Variants in RREB1 observed in about 807,000 individuals in gnomAD.
RREB1 encodes the protein ras-responsive element-binding protein 1.
A neutral mutation model predicts 117.8 loss-of-function variants in RREB1; 27 were observed. The observed-to-expected ratio is 0.23, with a 90% CI of 0.17 to 0.32. RREB1 has a LOEUF of 0.32. RREB1 is among the 10% of genes least tolerant of loss of function. RREB1 has a pLI of 1.00. For missense variants in RREB1, 2,577 were observed against 2,378.2 expected, an observed-to-expected ratio of 1.08 and a Z score of -1.74; for synonymous variants, 1,298 against 1,026.7, an observed-to-expected ratio of 1.26 and a Z score of -5.05.
At chr6:7,190,397 C>T (rs1015358181) in intron 6 of RREB1, among the ~76,000 whole-genome samples, 3 of 152,162 alleles carry the variant, frequency 2.0e-5, no homozygotes, top group Non-Finnish European at 4.4e-5. Context: ...GTTTAGCACA[C>T]AGTTCCTGGC....
chr6:7,127,119 GC>G (rs1005306780), intron 1 of RREB1, among the ~76,000 whole-genome samples: 55 of 152,222 alleles, frequency 3.6e-4, no homozygotes, highest in Admixed American at 2.7e-3. Context: ...AGAGGATAGG[GC>G]TTAGGCGTGT....
In RREB1 at chr6:7,189,385, G is replaced by A. The variant is rs534220672; in HGVS notation, c.425+63G>A. The A allele has an allele frequency of 5.5e-6, 8 of 1,462,486 alleles. No homozygotes were observed. The East Asian group carries it at 2.0e-4, about 37-fold the overall frequency. The allele number at this position is 1,462,486 out of a possible 1,614,324, so 90.6% of individuals were successfully genotyped here. A position where few individuals can be genotyped will look rare whatever the true frequency, so the allele number is the denominator to read the frequency against. On this transcript the variant is annotated intron_variant, in intron 6 of 12. Coordinates refer to ENST00000379938, the MANE Select transcript of RREB1 (RefSeq NM_001003699.4). The stretch of plus-strand genomic sequence containing the variant: ...TACTTGGAGGTTGGCAGGCAGGACA[G>A]TGGCCTCTGAGCCTTCAGAAGACTT...
Position 7,221,078 on chromosome 6 carries a change from A to G in RREB1, c.708-5389A>G, listed in dbSNP as rs149752981. ...GTCTCCACCTGATAGGGCTGATCCA[A>G]GTGTTTCTGGGTGGTGGTTTTCCAC... On this transcript the variant is annotated intron_variant, in intron 8 of 12. Transcript: ENST00000379938. Among the ~76,000 whole-genome samples the G allele has an allele frequency of 3.8e-3, 585 of 152,166 alleles. 6 individuals are homozygous for G. Among genetic ancestry groups the G allele is most frequent in the Non-Finnish European group, 4.3e-3 (294 of 68,002 alleles).
At chr6:7,175,444 T>C (rs1019014207) in intron 1 of RREB1, among the ~76,000 whole-genome samples, 3 of 152,192 alleles carry the variant, frequency 2.0e-5, no homozygotes, top group Non-Finnish European at 4.4e-5. Flanking sequence ...CCCTGTGGGT[T>C]AGTCCTGAGG....
rs773182863 is a variant in RREB1 at position 7,226,646 on chromosome 6, G to A, written c.887G>A (p.Arg296His). Residue 296 changes from arginine (R) to histidine (H), a missense_variant, in exon 9 of 13, where the codon CGC becomes CAC. Physicochemically the swap from Arg to His is conservative, Grantham distance 29. Transcript: ENST00000379938. ...GACTTCTCCTGTAGGAAGTTTCCTCGCATTTCTCAGGTATTCTGATCAGCC... is the reference window on the plus strand; with the variant it reads ...GACTTCTCCTGTAGGAAGTTTCCTCACATTTCTCAGGTATTCTGATCAGCC... ...FTDFSCRKFPRISQAWCETNL... is the reference protein window; with the variant it reads ...FTDFSCRKFPHISQAWCETNL... 3 of 1,613,628 alleles carry A rather than the reference G, an allele frequency of 1.9e-6. No individual in the cohort carries two copies. Among genetic ancestry groups the A allele is most frequent in the Non-Finnish European group, 2.5e-6 (3 of 1,179,708 alleles).
intron 1 of RREB1, chr6:7,108,736 G>C (rs1206865699): frequency 1.3e-5 from 2 of 151,954 alleles, no homozygotes; most frequent in Non-Finnish European, 2.9e-5. Context: ...GTGCTCGCGC[G>C]GGGGTGCCTG....
chr6:7,202,819 G>A (rs111858468), intron 6 of RREB1, among the ~76,000 whole-genome samples: 4 of 152,308 alleles, frequency 2.6e-5, no homozygotes, highest in African/African-American at 9.6e-5. Flanking sequence ...CACCCAGGAA[G>A]GTCCTAGCTG....
At chr6:7,218,512 G>A (rs1381619421) in intron 8 of RREB1, 1 of 152,058 alleles carries the variant, frequency 6.6e-6, no homozygotes, top group Admixed American at 6.6e-5. Context: ...GACTTTTGGT[G>A]TCCTTGTTTT....
chr6:7,213,172 T>C (rs1398143137), intron 8 of RREB1: 1 of 152,168 alleles, frequency 6.6e-6, no homozygotes, highest in East Asian at 1.9e-4. Flanking sequence ...TTATTTATTT[T>C]TGGGTTTTTT....
chr6:7,173,757 G>A (rs558567500), intron 1 of RREB1, among the ~76,000 whole-genome samples: 105 of 151,990 alleles, frequency 6.9e-4, no homozygotes, highest in African/African-American at 2.4e-3. Context: ...GGAGGCAGAG[G>A]TTACAGGCTT....
intron 6 of RREB1, among the ~76,000 whole-genome samples, chr6:7,200,906 A>G (rs1453948577): frequency 6.6e-6 from 1 of 152,230 alleles, no homozygotes; most frequent in African/African-American, 2.4e-5. Flanking sequence ...GAAATGCAAA[A>G]TAAATTTTAT....
intron 10 of RREB1, among the ~76,000 whole-genome samples, chr6:7,237,824 T>G (rs1394396557): frequency 6.6e-6 from 1 of 152,222 alleles, no homozygotes; most frequent in African/African-American, 2.4e-5. Context: ...AATGTGAGCT[T>G]CTAATGACTC....
Position 7,240,566 on chromosome 6 carries a change from T to C in RREB1, c.3937T>C (p.Ser1313Pro). Residue 1313 changes from serine (S) to proline (P), a missense_variant, in exon 11 of 13, where the codon TCA (serine) becomes CCA (proline). By Grantham distance (74) the Ser-to-Pro change is moderately conservative (BLOSUM62 -1). Transcript: ENST00000379938. ...SLRRNGLIPQ[S>P]KESDVGSHDS... ...GAGAAGAAACGGGCTTATCCCCCAG[T>C]CAAAAGAGAGTGATGTTGGATCCCA... 1.9e-6 allele frequency: 3 copies of C among 1,613,678 alleles called. No homozygotes were observed. The highest frequency in any genetic ancestry group is 2.5e-6 in the Non-Finnish European group (3 of 1,179,848).
chr6:7,242,425 G>A (rs1433930865), intron 11 of RREB1, among the ~76,000 whole-genome samples: 2 of 152,150 alleles, frequency 1.3e-5, no homozygotes, highest in East Asian at 3.9e-4. Flanking sequence ...AAGGGACAAA[G>A]CCTCTAGAAA....
intron 1 of RREB1, among the ~76,000 whole-genome samples, chr6:7,159,339 A>G (rs918327575): frequency 6.6e-6 from 1 of 152,228 alleles, no homozygotes; most frequent in African/African-American, 2.4e-5. Flanking sequence ...TCACAGTCAC[A>G]CTGAGAAAGT....
At chr6:7,198,080 C>T (rs1765757609) in intron 6 of RREB1, among the ~76,000 whole-genome samples, 1 of 152,152 alleles carries the variant, frequency 6.6e-6, no homozygotes, top group Non-Finnish European at 1.5e-5. Flanking sequence ...CCTCAGTTCC[C>T]CGCAAGAGGA....
chr6:7,171,468 C>T lies in RREB1; in HGVS notation c.-284-5187C>T, dbSNP rs9505058. On this transcript the variant is annotated intron_variant, in intron 1 of 12. Transcript: ENST00000379938. ...TGCTCTCCAGCCATGGGCCAGGAGT[C>T]GCACACTTTTCCAAAAGAAATTTAA... Among the ~76,000 whole-genome samples the T allele has an allele frequency of 4.5e-3, 684 of 152,272 alleles. 6 individuals are homozygous for T. Among genetic ancestry groups the T allele is most frequent in the Middle Eastern group, 0.017 (5 of 294 alleles).
intron 1 of RREB1, among the ~76,000 whole-genome samples, chr6:7,109,120 G>A (rs1423946513): frequency 6.6e-6 from 1 of 151,752 alleles, no homozygotes; most frequent in Non-Finnish European, 1.5e-5. Flanking sequence ...CCGCCGCCCA[G>A]CTGTGGAGCG....
At chr6:7,207,644 C>T (rs1766351348) in intron 6 of RREB1, among the ~76,000 whole-genome samples, 1 of 152,200 alleles carries the variant, frequency 6.6e-6, no homozygotes. Context: ...CTGGAGTTTG[C>T]ATCTGGATCC....
Sources: gnomAD v4.1 joint callset for allele counts (sites outside exome capture counted in the v4.1 genomes callset) on GRCh38, gnomAD v4.1.1 for gene constraint, MANE v1.5 for transcripts, NCBI Gene and HGNC (gene_info 2026-07-23, HGNC 2026-07-21) for gene names.